The following KDM5A variants were observed in gnomAD, a reference collection of about 807,000 sequenced individuals.
KDM5A encodes lysine demethylase 5A.
A neutral mutation model predicts 193.5 loss-of-function variants in KDM5A; 42 were observed. The ratio of observed to expected loss-of-function variants is 0.22; its 90% CI spans 0.17 to 0.28. KDM5A has a LOEUF of 0.28. KDM5A is among the 10% of genes least tolerant of loss of function. The pLI is 1.00. For synonymous variants in KDM5A, 796 were observed against 718.1 expected (o/e 1.11, Z -1.73); for missense variants, 1,692 against 2,055.1 (o/e 0.82, Z 3.42).
intron 19 of KDM5A, among the ~76,000 whole-genome samples, chr12:314,522 T>C (rs753823596): frequency 6.6e-6 from 1 of 151,348 alleles, no homozygotes; most frequent in Non-Finnish European, 1.5e-5. Flanking sequence ...CTTATGAAGA[T>C]TATTCATAAG....
At position 384,148 on chromosome 12, in the gene KDM5A, C is replaced by A; in HGVS notation, c.249G>T (p.Met83Ile). The part of the protein sequence containing the change: ...RVQRLNELEA[M>I]TRVRLDFLDQ... ...CCAAGAAATCCAATCTCACTCTGGT[C>A]ATTGCCTAAGATTATTAAAATACAG... Residue 83 changes from methionine to isoleucine, a missense_variant, in exon 3 of 28, where the codon ATG (methionine) becomes ATT (isoleucine). Physicochemically the swap from Met to Ile is conservative, Grantham distance 10. Coordinates refer to ENST00000399788, the MANE Select transcript of KDM5A (RefSeq NM_001042603.3). The A allele has an allele frequency of 1.3e-6, 2 of 1,591,098 alleles. No individual in the cohort carries two copies. Among genetic ancestry groups the A allele is most frequent in the South Asian group, 2.2e-5 (2 of 90,538 alleles).
chr12:296,884 G>C (rs1943380242), intron 25 of KDM5A, among the ~76,000 whole-genome samples, 157 bp downstream of exon 25: 1 of 152,166 alleles, frequency 6.6e-6, no homozygotes, highest in African/African-American at 2.4e-5. Flanking sequence ...ACAGGGATTG[G>C]CTTTTCCAAA....
At chr12:305,969 G>GGTTT (rs1555128052) in intron 24 of KDM5A, among the ~76,000 whole-genome samples, 1 of 104,216 alleles carries the variant, frequency 9.6e-6, no homozygotes, top group Non-Finnish European at 1.8e-5. Context: ...CAATGGAAGT[G>GGTTT]TTTTTTTTTT....
intron 2 of KDM5A, among the ~76,000 whole-genome samples, chr12:385,259 C>T (rs1944625675): frequency 6.7e-6 from 1 of 150,236 alleles, no homozygotes; most frequent in South Asian, 2.1e-4. Context: ...TTCAGAATGA[C>T]ATAATAAACC....
intron 1 of KDM5A, among the ~76,000 whole-genome samples, chr12:388,019 T>C (rs1162902951): frequency 6.6e-6 from 1 of 152,180 alleles, no homozygotes; most frequent in Non-Finnish European, 1.5e-5. Context: ...CTGAGACTAG[T>C]TGCTAGAAAA....
chr12:338,468 T>C (rs1943960735), intron 10 of KDM5A, among the ~76,000 whole-genome samples: 1 of 152,188 alleles, frequency 6.6e-6, no homozygotes, highest in South Asian at 2.1e-4. Flanking sequence ...ACTGAGAGAA[T>C]ACCCTGGGAA....
chr12:362,835 C>A, intron 5 of KDM5A, 128 bp downstream of exon 5: 1 of 826,616 alleles, frequency 1.2e-6, no homozygotes, highest in Non-Finnish European at 2.0e-6. Context: ...GCAGCGCATA[C>A]CAACCAGCAA....
In KDM5A at chr12:389,174, C is replaced by T. The variant is rs534801197; in HGVS notation, c.-83G>A. ...TGAAGCCCACTAAGCCCGTTCAAGT[C>T]CCCTGACAGAGGCCGAAGCGCATCT... is the stretch of plus-strand genomic sequence containing the variant. On this transcript the variant is annotated 5_prime_UTR_variant, in exon 1 of 28. Transcript: ENST00000399788. 46 of 1,324,528 alleles carry T rather than the reference C, an allele frequency of 3.5e-5. No homozygotes were observed. Among genetic ancestry groups the T allele is most frequent in the Middle Eastern group, 3.6e-4 (2 of 5,580 alleles). The allele number at this position is 1,324,528 out of a possible 1,614,324, so 82.0% of individuals were successfully genotyped here.
At chr12:305,349 C>G (rs958933184) in intron 24 of KDM5A, among the ~76,000 whole-genome samples, 3 of 152,156 alleles carry the variant, frequency 2.0e-5, no homozygotes, top group Non-Finnish European at 4.4e-5. Context: ...AGTCACATAA[C>G]TGAAAATTCC....
intron 26 of KDM5A, among the ~76,000 whole-genome samples, chr12:293,608 G>A (rs896341030): frequency 7.2e-5 from 11 of 151,834 alleles, no homozygotes; most frequent in African/African-American, 2.4e-5. Flanking sequence ...ACGAAACCCC[G>A]ACTCTACTAA....
At position 323,210 on chromosome 12, in the gene KDM5A, CAAAAAAAAAAAAAAAAAA is replaced by C. The variant is rs60377454; in HGVS notation, c.2151-22_2151-5del. 2.0e-5 allele frequency: 6 copies of C among 297,142 alleles called. No homozygotes were observed. The highest frequency in any genetic ancestry group is 1.3e-4 in the Admixed American group (1 of 7,930). 18.4% of individuals were successfully genotyped at this position (297,142 alleles called of 1,614,324 possible). A position where few individuals can be genotyped will look rare whatever the true frequency, so the allele number is the denominator to read the frequency against. ...GTCTTCTAATGGGTAGCGATATCTA[CAAAAAAAAAAAAAAAAAA>C]AAAAAAAAAAAGAAAACAGAAATAA... is the stretch of plus-strand genomic sequence containing the variant. On this transcript the variant is annotated splice_polypyrimidine_tract_variant and splice_region_variant and intron_variant, in intron 15 of 27. Transcript: ENST00000399788.
Position 342,195 on chromosome 12 carries a change from T to C in KDM5A, c.1309-7773A>G, listed in dbSNP as rs374322021. On this transcript the variant is annotated intron_variant, in intron 10 of 27. Transcript: ENST00000399788. ...GCTACAGGGGCTATACTTTTATTTA[T>C]ATATCCTCTGTACTATGCAACTTTA... Among the ~76,000 whole-genome samples the C allele has an allele frequency of 1.2e-3, 186 of 152,346 alleles. 3 individuals carry two copies. In the South Asian group the frequency reaches 0.036, roughly 29 times the overall value.
chr12:326,864 CAAAAAAAAAAAAAAAAA>C (rs61571425), intron 14 of KDM5A, among the ~76,000 whole-genome samples: 2 of 86,010 alleles, frequency 2.3e-5, no homozygotes, highest in South Asian at 4.1e-4. Flanking sequence ...GACTCTGTCT[CAAAAAAAAAAAAAAAAA>C]AAAAAAAAAA....
intron 3 of KDM5A, among the ~76,000 whole-genome samples, chr12:372,804 A>G (rs536694167): frequency 6.6e-6 from 1 of 152,208 alleles, no homozygotes; most frequent in Non-Finnish European, 1.5e-5. Context: ...AGCATGAAGC[A>G]TTGTTGAATT....
At chr12:323,008 CAT>C in intron 16 of KDM5A, 72 bp downstream of exon 16, 1 of 1,597,984 alleles carries the variant, frequency 6.3e-7, no homozygotes, top group South Asian at 1.1e-5. Flanking sequence ...AAGGAAAAAA[CAT>C]AAAACTAAAA....
At chr12:308,406 G>A (rs1367287089) in intron 22 of KDM5A, among the ~76,000 whole-genome samples, 2 of 152,124 alleles carry the variant, frequency 1.3e-5, no homozygotes, top group African/African-American at 4.8e-5. Context: ...GATAACATAT[G>A]AAAGTGCCTA....
rs1393039421 is a variant in KDM5A, at chr12:330,073, G to GTATATATA, written c.1774-1045_1774-1044insTATATATA. ...GGAAAAAGTGTGTGTGTGTGTGTGT[G>GTATATATA]TGTGTGTGTGTGTATATATATATAT... On this transcript the variant is annotated intron_variant, in intron 13 of 27. Transcript: ENST00000399788. Among the ~76,000 whole-genome samples the GTATATATA allele has an allele frequency of 8.5e-3, 1,080 of 127,554 alleles. 37 individuals are homozygous for GTATATATA. The South Asian group carries it at 0.12, about 14-fold the overall frequency. 83.7% of individuals were successfully genotyped at this position (127,554 alleles called of 152,430 possible).
chr12:370,799 T>C (rs1236426016), intron 3 of KDM5A, among the ~76,000 whole-genome samples: 2 of 152,172 alleles, frequency 1.3e-5, no homozygotes, highest in African/African-American at 2.4e-5. Flanking sequence ...CGGTGTGTGA[T>C]GTTCACCTTC....
intron 3 of KDM5A, among the ~76,000 whole-genome samples, chr12:371,525 A>G (rs1338308825): frequency 6.6e-6 from 1 of 152,052 alleles, no homozygotes; most frequent in East Asian, 1.9e-4. Flanking sequence ...AGATGAGTAG[A>G]CTGCAAAAAT....
Sources: gnomAD v4.1 joint callset for allele counts (sites outside exome capture counted in the v4.1 genomes callset) on GRCh38, gnomAD v4.1.1 for gene constraint, MANE v1.5 for transcripts, NCBI Gene and HGNC (gene_info 2026-07-23, HGNC 2026-07-21) for gene names.